The following ARFIP1 variants were observed in gnomAD, a reference collection of about 807,000 sequenced individuals.
ARFIP1 encodes the protein arfaptin-1.
In ARFIP1, 24 loss-of-function variants were observed where a neutral mutation model predicts 42.5. The observed-to-expected ratio is 0.57, with a 90% CI of 0.41 to 0.80. ARFIP1 has a LOEUF of 0.80. Among genes scored for constraint, ARFIP1 ranks in the 30% least tolerant of loss-of-function variants. The probability of loss-of-function intolerance (pLI) is 0.00; values close to 1 mark genes in which losing one functional copy is unlikely to be tolerated. For missense variants in ARFIP1, 354 were observed against 434.0 expected (o/e 0.82, Z 1.64); for synonymous variants, 141 against 153.7 (o/e 0.92, Z 0.61).
intron 1 of ARFIP1, among the ~76,000 whole-genome samples, chr4:152,820,713 A>G (rs559272216): frequency 3.3e-5 from 5 of 152,312 alleles, no homozygotes; most frequent in East Asian, 1.9e-4. Context: ...CCATGATCCA[A>G]TCACCTCCCA....
intron 2 of ARFIP1, among the ~76,000 whole-genome samples, chr4:152,860,196 C>T (rs1330918709): frequency 2.0e-5 from 3 of 152,074 alleles, no homozygotes; most frequent in African/African-American, 7.2e-5. Flanking sequence ...GAATAATTAT[C>T]CCTTAACATT....
chr4:152,858,000 T>A (rs1325546124), intron 2 of ARFIP1, among the ~76,000 whole-genome samples: 1 of 152,056 alleles, frequency 6.6e-6, no homozygotes, highest in Non-Finnish European at 1.5e-5. Flanking sequence ...AATACATAAG[T>A]AAATAAATAA....
At chr4:152,841,970 C>T (rs1732121548) in intron 2 of ARFIP1, among the ~76,000 whole-genome samples, 1 of 152,118 alleles carries the variant, frequency 6.6e-6, no homozygotes, top group Admixed American at 6.6e-5. Flanking sequence ...GCCAACCTCC[C>T]CAGCAGCACT....
intron 1 of ARFIP1, among the ~76,000 whole-genome samples, chr4:152,809,392 A>G (rs975800811): frequency 6.6e-6 from 1 of 152,242 alleles, no homozygotes; most frequent in African/African-American, 2.4e-5. Context: ...TATACATACA[A>G]TGAAATATTC....
intron 6 of ARFIP1, among the ~76,000 whole-genome samples, chr4:152,881,842 T>C (rs545425302): frequency 6.6e-6 from 1 of 152,346 alleles, no homozygotes; most frequent in East Asian, 1.9e-4. Flanking sequence ...CTAAGAAACG[T>C]AATTACAGCT....
In ARFIP1 at chr4:152,852,706, A is replaced by G. The variant is rs145647700; in HGVS notation, c.94-10900A>G. 4.2e-3 allele frequency among the ~76,000 whole-genome samples: 640 copies of G among 152,308 alleles called. 7 individuals carry two copies. Among genetic ancestry groups the G allele is most frequent in the African/African-American group, 0.014 (580 of 41,568 alleles). ...TTGGTGAACTGTGAGGCTATATAAT[A>G]TTACTTAGAGAATGAGTATTTTATT... On this transcript the variant is annotated intron_variant, in intron 2 of 8. Coordinates refer to ENST00000353617, the MANE Select transcript of ARFIP1 (RefSeq NM_001025595.3).
chr4:152,866,947 G>C (rs541609286), intron 3 of ARFIP1, among the ~76,000 whole-genome samples: 1 of 151,936 alleles, frequency 6.6e-6, no homozygotes, highest in East Asian at 1.9e-4. Context: ...TGGCGGCCGG[G>C]AAGAGGCGCT....
At position 152,912,071 on chromosome 4, in the gene ARFIP1, A is replaced by C. The variant is rs1174369463; in HGVS notation, c.*1852A>C. On this transcript the variant is annotated 3_prime_UTR_variant, in exon 9 of 9. Transcript: ENST00000353617. ...TTTTTCAATGTGAATCTCTTTTGAG[A>C]GCTGAACATGTCCATTCTTAACCAC... The C allele has an allele frequency of 6.6e-6, 1 of 152,332 alleles. No homozygotes were observed. 9.4% of individuals were successfully genotyped at this position (152,332 alleles called of 1,614,324 possible). A position where few individuals can be genotyped will look rare whatever the true frequency, so the allele number is the denominator to read the frequency against.
intron 2 of ARFIP1, among the ~76,000 whole-genome samples, chr4:152,853,869 G>T (rs1208325198): frequency 7.2e-6 from 1 of 137,972 alleles, no homozygotes; most frequent in African/African-American, 2.7e-5. Flanking sequence ...TTCTGATTGG[G>T]TTCTTTCAAA....
chr4:152,899,351 T>C (rs1737625032), intron 8 of ARFIP1, among the ~76,000 whole-genome samples: 1 of 152,222 alleles, frequency 6.6e-6, no homozygotes. Flanking sequence ...GGGATCTCAC[T>C]ACCCCTAACT....
chr4:152,868,818 G>A (rs1368785354), intron 3 of ARFIP1, among the ~76,000 whole-genome samples: 2 of 152,134 alleles, frequency 1.3e-5, no homozygotes, highest in Non-Finnish European at 2.9e-5. Context: ...CTATTAAAAT[G>A]CCTTCCAACT....
chr4:152,893,665 A>G (rs1737056817), intron 8 of ARFIP1, among the ~76,000 whole-genome samples: 1 of 152,176 alleles, frequency 6.6e-6, no homozygotes, highest in African/African-American at 2.4e-5. Flanking sequence ...GGTAATGTCA[A>G]ATTAGCTATA....
intron 1 of ARFIP1, among the ~76,000 whole-genome samples, chr4:152,806,826 T>C (rs1729026915): frequency 6.6e-6 from 1 of 150,812 alleles, no homozygotes; most frequent in African/African-American, 2.5e-5. Flanking sequence ...TCAACGTAAG[T>C]TTTTTTTTCT....
At chr4:152,829,790 A>C in intron 2 of ARFIP1, 64 bp downstream of exon 2, 1 of 1,274,698 alleles carries the variant, frequency 7.8e-7, no homozygotes, top group Non-Finnish European at 1.1e-6. Context: ...GTTGAGATGA[A>C]AGTAATAGAC....
chr4:152,785,324 A>T (rs147872286), intron 1 of ARFIP1, among the ~76,000 whole-genome samples: 1 of 152,244 alleles, frequency 6.6e-6, no homozygotes, highest in South Asian at 2.1e-4. Flanking sequence ...AGCAGATAAC[A>T]TCACCACATT....
chr4:152,798,225 T>C (rs2149821230), intron 1 of ARFIP1, among the ~76,000 whole-genome samples: 1 of 149,032 alleles, frequency 6.7e-6, no homozygotes, highest in East Asian at 2.0e-4. Context: ...ATCGCGCCAC[T>C]GCACTCCAGC....
At chr4:152,824,205 C>T (rs758612546) in intron 1 of ARFIP1, among the ~76,000 whole-genome samples, 12 of 149,162 alleles carry the variant, frequency 8.0e-5, no homozygotes, top group Non-Finnish European at 1.5e-4. Context: ...CCCAGCTACT[C>T]GGGAGGCTGA....
At chr4:152,832,842 A>G (rs1026769192) in intron 2 of ARFIP1, among the ~76,000 whole-genome samples, 2 of 152,212 alleles carry the variant, frequency 1.3e-5, no homozygotes, top group Non-Finnish European at 2.9e-5. Flanking sequence ...CTTTCTATAC[A>G]TATGCAAAAA....
chr4:152,896,392 T>C (rs896617957), intron 8 of ARFIP1, among the ~76,000 whole-genome samples: 1 of 152,188 alleles, frequency 6.6e-6, no homozygotes, highest in Non-Finnish European at 1.5e-5. Flanking sequence ...ACTGGTTTTT[T>C]CATACAGTGA....
Sources: gnomAD v4.1 joint callset for allele counts (sites outside exome capture counted in the v4.1 genomes callset) on GRCh38, gnomAD v4.1.1 for gene constraint, MANE v1.5 for transcripts, NCBI Gene and HGNC (gene_info 2026-07-23, HGNC 2026-07-21) for gene names.